Variants in NUCKS1 observed in about 807,000 individuals in gnomAD.
NUCKS1 encodes nuclear casein kinase and cyclin dependent kinase substrate 1, also known as nuclear ubiquitous casein and cyclin-dependent kinase substrate 1.
A neutral mutation model predicts 33.0 loss-of-function variants in NUCKS1; 2 were observed. That is an observed-to-expected ratio of 0.06 (90% CI 0.02 to 0.19). The LOEUF is 0.19. Among genes scored for constraint, NUCKS1 ranks in the 10% least tolerant of loss-of-function variants. The pLI is 1.00. For synonymous variants in NUCKS1, 106 were observed against 102.8 expected (o/e 1.03, Z -0.19); for missense variants, 201 against 293.6 (o/e 0.68, Z 2.31).
rs1489855969 is a variant in NUCKS1, at chr1:205,714,710, C to T, written c.*3570G>A. ...ACAATTTTCTAACCTCAAGAGCAAC[C>T]AGCTTGTTACATTTTCCCTATCCTA... is the stretch of plus-strand genomic sequence containing the variant. On this transcript the variant is annotated 3_prime_UTR_variant, in exon 7 of 7. Coordinates refer to ENST00000367142, the MANE Select transcript of NUCKS1 (RefSeq NM_022731.5). The T allele has an allele frequency of 6.6e-6, 1 of 152,116 alleles. No individual in the cohort carries two copies. Among genetic ancestry groups the T allele is most frequent in the African/African-American group, 2.4e-5 (1 of 41,424 alleles). The allele number at this position is 152,116 out of a possible 1,614,324, so 9.4% of individuals were successfully genotyped here.
In NUCKS1 at chr1:205,730,493, C is replaced by CT. The variant is rs869264716; in HGVS notation, c.18-873dup. The stretch of plus-strand genomic sequence containing the variant: ...ATTCAAATACCATTCTTTTCTCTCT[C>CT]TTTTTTTTTTTTTGAGATGAAGTCT... On this transcript the variant is annotated intron_variant, in intron 1 of 6. Transcript: ENST00000367142. 3.6e-3 allele frequency among the ~76,000 whole-genome samples: 527 copies of CT among 145,350 alleles called. 1 individual carries two copies. Among genetic ancestry groups the CT allele is most frequent in the African/African-American group, 7.2e-3 (287 of 39,972 alleles).
intron 1 of NUCKS1, among the ~76,000 whole-genome samples, chr1:205,743,139 C>A (rs77079199): frequency 0.021 from 3,127 of 152,200 alleles, 45 homozygotes; most frequent in African/African-American, 0.029. Flanking sequence ...AGTATCCCAG[C>A]GTTACACAGT....
Position 205,719,630 on chromosome 1 carries a change from A to G in NUCKS1, c.429T>C (p.Asp143=), listed in dbSNP as rs1210842759. ...TCTTTTTCGAACTGCCATAGTCACT[A>G]TCGTCATCATCTTCCATTAGGAAAT... ...DEDFLMEDDD[D]SDYGSSKKKN... is the part of the protein sequence containing the mutation. Residue 143 remains aspartate, a synonymous_variant, in exon 6 of 7, where the codon GAT becomes GAC. Coordinates refer to ENST00000367142, the MANE Select transcript of NUCKS1 (RefSeq NM_022731.5). The G allele has an allele frequency of 2.5e-6, 4 of 1,613,530 alleles. No homozygotes were observed. The East Asian group carries it at 6.7e-5, about 27-fold the overall frequency.
At chr1:205,744,309 T>A (rs367663827) in intron 1 of NUCKS1, among the ~76,000 whole-genome samples, 4 of 152,366 alleles carry the variant, frequency 2.6e-5, no homozygotes, top group African/African-American at 9.6e-5. Context: ...TTACTTTTTT[T>A]ATCCTAACCT....
chr1:205,727,660 G>C, intron 3 of NUCKS1, 40 bp downstream of exon 3: 1 of 1,312,448 alleles, frequency 7.6e-7, no homozygotes, highest in Admixed American at 1.7e-5. Flanking sequence ...TCTCAGAGTG[G>C]TAACAGTGTA....
chr1:205,744,683 A>C (rs1654272193), intron 1 of NUCKS1, among the ~76,000 whole-genome samples: 1 of 115,176 alleles, frequency 8.7e-6, no homozygotes, highest in South Asian at 3.1e-4. Flanking sequence ...CCCAGGCTCC[A>C]GTGCAATGGC....
rs1671810988 is a variant in NUCKS1, at chr1:205,715,789, G to T, written c.*2491C>A. ...TCACCATAGGCACACTAGAGAAAAA[G>T]AGGAAGGTTAGTCAAGGATGGTGCC... is the stretch of plus-strand genomic sequence containing the variant. On this transcript the variant is annotated 3_prime_UTR_variant, in exon 7 of 7. Coordinates refer to ENST00000367142, the MANE Select transcript of NUCKS1 (RefSeq NM_022731.5). 1 of 152,208 alleles carries T rather than the reference G, an allele frequency of 6.6e-6. No individual in the cohort carries two copies. The highest frequency in any genetic ancestry group is 1.5e-5 in the Non-Finnish European group (1 of 68,044). 9.4% of individuals were successfully genotyped at this position (152,208 alleles called of 1,614,324 possible).
Position 205,717,147 on chromosome 1 carries a change from T to C in NUCKS1, c.*1133A>G. On this transcript the variant is annotated 3_prime_UTR_variant, in exon 7 of 7. Transcript: ENST00000367142. The stretch of plus-strand genomic sequence containing the variant: ...TTCTTATCACATTTCTATGAAGAAA[T>C]GGGAAGATCGGGATATGAAAAAGAA... 4.5e-6 allele frequency: 1 copy of C among 222,898 alleles called. No homozygotes were observed. Among genetic ancestry groups the C allele is most frequent in the Non-Finnish European group, 7.5e-6 (1 of 132,756 alleles). 13.8% of individuals were successfully genotyped at this position (222,898 alleles called of 1,614,324 possible). A position where few individuals can be genotyped will look rare whatever the true frequency, so the allele number is the denominator to read the frequency against.
Position 205,718,103 on chromosome 1 carries a change from A to AAG in NUCKS1, c.*175_*176dup, listed in dbSNP as rs1006263492. The AAG allele has an allele frequency of 1.1e-4, 120 of 1,124,192 alleles. No homozygotes were observed. Among genetic ancestry groups the AAG allele is most frequent in the East Asian group, 5.9e-4 (16 of 26,906 alleles). 69.6% of individuals were successfully genotyped at this position (1,124,192 alleles called of 1,614,324 possible). A position where few individuals can be genotyped will look rare whatever the true frequency, so the allele number is the denominator to read the frequency against. ...TTTGCTTTAAAAAAAAAAAAAAAAA[A>AAG]AGAGAGAGAGAGAGAAATGTTACTT... On this transcript the variant is annotated 3_prime_UTR_variant, in exon 7 of 7. Transcript: ENST00000367142.
chr1:205,717,560 T>C lies in NUCKS1; in HGVS notation c.*720A>G, dbSNP rs1374672075. ...ATAAAAGGATCACTGGCTCCGAGTCTCTTTGAGATAACAAGTGATGAAATA... is the reference window on the plus strand; with the variant it reads ...ATAAAAGGATCACTGGCTCCGAGTCCCTTTGAGATAACAAGTGATGAAATA... On this transcript the variant is annotated 3_prime_UTR_variant, in exon 7 of 7. Coordinates refer to ENST00000367142, the MANE Select transcript of NUCKS1 (RefSeq NM_022731.5). 1 of 984,942 alleles carries C rather than the reference T, an allele frequency of 1.0e-6. No individual in the cohort carries two copies. Among genetic ancestry groups the C allele is most frequent in the African/African-American group, 1.8e-5 (1 of 56,996 alleles). 61.0% of individuals were successfully genotyped at this position (984,942 alleles called of 1,614,324 possible).
chr1:205,719,876 G>T (rs954916369), intron 5 of NUCKS1, 200 bp from the exon 6 acceptor site: 2 of 528,206 alleles, frequency 3.8e-6, no homozygotes, highest in East Asian at 6.1e-5. Flanking sequence ...CACCTTACAT[G>T]AGAGAGTTAC....
chr1:205,740,920 T>C (rs889663362), intron 1 of NUCKS1, among the ~76,000 whole-genome samples: 3 of 151,854 alleles, frequency 2.0e-5, no homozygotes, highest in Non-Finnish European at 2.9e-5. Flanking sequence ...TTAACTCTTA[T>C]AAGGCACTCC....
chr1:205,726,322 C>T (rs891289029), intron 3 of NUCKS1, among the ~76,000 whole-genome samples: 2 of 152,184 alleles, frequency 1.3e-5, no homozygotes, highest in Admixed American at 6.5e-5. Flanking sequence ...TTGAAACTAG[C>T]CTGGGCAACA....
At chr1:205,719,259 T>A (rs1054874391) in intron 6 of NUCKS1, among the ~76,000 whole-genome samples, 1 of 152,206 alleles carries the variant, frequency 6.6e-6, no homozygotes, top group African/African-American at 2.4e-5. Flanking sequence ...TACCACTGTG[T>A]CTGAAACAAA....
At position 205,720,568 on chromosome 1, in the gene NUCKS1, C is replaced by T; in HGVS notation, c.315G>A (p.Glu105=). The change falls in exon 5 of 7, where the codon GAG becomes GAA. Residue 105 remains glutamate (E), a synonymous_variant. Transcript: ENST00000367142. ...AASKAASKQR[E]MLMEDVGSEE... The stretch of plus-strand genomic sequence containing the variant: ...CACTGCCCACATCTTCCATGAGCAT[C>T]TCTCTCTGTTTAGAAGCTGCTTTAG... The T allele has an allele frequency of 1.2e-6, 2 of 1,614,156 alleles. No individual in the cohort carries two copies. Among genetic ancestry groups the T allele is most frequent in the Non-Finnish European group, 1.7e-6 (2 of 1,180,000 alleles).
intron 1 of NUCKS1, among the ~76,000 whole-genome samples, chr1:205,737,980 A>G (rs1654070390): frequency 6.6e-6 from 1 of 152,230 alleles, no homozygotes; most frequent in Admixed American, 6.5e-5. Context: ...TCCACATTAA[A>G]GAAAACTGCT....
intron 1 of NUCKS1, among the ~76,000 whole-genome samples, chr1:205,732,004 CAGGATGGT>C (rs1653926202): frequency 6.6e-6 from 1 of 151,924 alleles, no homozygotes; most frequent in Admixed American, 6.6e-5. Context: ...AATTCAAAGA[CAGGATGGT>C]CAGACTGCAA....
rs367711068 is a variant in NUCKS1 at position 205,726,970 on chromosome 1, GT to G, written c.173+729del. Among the ~76,000 whole-genome samples, 719 of 150,588 alleles carry G rather than the reference GT, an allele frequency of 4.8e-3. 5 individuals are homozygous for G. Among genetic ancestry groups the G allele is most frequent in the African/African-American group, 0.017 (677 of 40,926 alleles). ...ATTACAATATCCTCGTCTTGTTGTT[GT>G]TTTTTTTTCCCAAGACAGTCCTGGC... On this transcript the variant is annotated intron_variant, in intron 3 of 6. Transcript: ENST00000367142.
chr1:205,720,313 C>A (rs1407770113), intron 5 of NUCKS1, among the ~76,000 whole-genome samples, 188 bp downstream of exon 5: 2 of 152,138 alleles, frequency 1.3e-5, no homozygotes, highest in Non-Finnish European at 2.9e-5. Context: ...GGTGGGCAAT[C>A]GTGAGAATCT....
Sources: allele counts gnomAD v4.1 joint callset (sites outside exome capture counted in the v4.1 genomes callset), GRCh38; gene constraint gnomAD v4.1.1; transcripts MANE v1.5; gene names NCBI Gene and HGNC (gene_info 2026-07-23, HGNC 2026-07-21).